Variants in FASN observed in about 807,000 individuals in gnomAD.
FASN encodes the protein fatty acid synthase.
FASN carries 50 observed loss-of-function variants against 250.0 expected under a neutral mutation model. That is an observed-to-expected ratio of 0.20 (90% CI 0.16 to 0.25). FASN has a LOEUF of 0.25. Ranked by LOEUF, FASN falls within the 10% of genes least tolerant of loss-of-function variation. FASN has a pLI of 1.00. For synonymous variants in FASN, 1,909 were observed against 1,584.0 expected (o/e 1.21, Z -4.87); for missense variants, 3,031 against 3,498.5 (o/e 0.87, Z 3.37).
intron 11 of FASN, 111 bp downstream of exon 11, chr17:82,090,264 C>T (rs368004575): frequency 4.2e-5 from 46 of 1,100,730 alleles, no homozygotes; most frequent in Non-Finnish European, 5.0e-5. Flanking sequence ...CCCGGGCCAG[C>T]GGGGGCCACT....
chr17:82,085,478 G>A lies in FASN; in HGVS notation c.4122+4C>T, dbSNP rs374704748. 1.9e-5 allele frequency: 30 copies of A among 1,588,676 alleles called. 1 individual carries two copies. The highest frequency in any genetic ancestry group is 1.7e-4 in the South Asian group (15 of 87,764). The stretch of plus-strand genomic sequence containing the variant: ...CACCCTGTCCCCCTGCCCGGCGGCC[G>A]CACCTGGCTCAGGATGCCCTGGCCA... On this transcript the variant is annotated splice_donor_region_variant and intron_variant, in intron 23 of 42. Transcript: ENST00000306749.
intron 6 of FASN, 34 bp from the exon 7 acceptor site, chr17:82,092,846 G>C: frequency 6.3e-7 from 1 of 1,584,180 alleles, no homozygotes; most frequent in Non-Finnish European, 8.6e-7. Flanking sequence ...TGCAGCCCCA[G>C]CCCCGGCTCC....
rs747732644 is a variant in FASN at position 82,091,050 on chromosome 17, G to A, written c.1512C>T (p.Arg504=). Residue 504 remains arginine, a synonymous_variant, in exon 10 of 43, where the codon CGC becomes CGT. Coordinates refer to ENST00000306749, the MANE Select transcript of FASN (RefSeq NM_004104.5). The part of the protein sequence containing the change: ...FICSGMGTQW[R]GMGLSLMRLD... ...GGCGCATGAGGCTCAGCCCCATCCCGCGCCACTGTGTGCCCATCCCTGTCC... is the reference window on the plus strand; with the variant it reads ...GGCGCATGAGGCTCAGCCCCATCCCACGCCACTGTGTGCCCATCCCTGTCC... The A allele has an allele frequency of 4.3e-6, 7 of 1,611,852 alleles. No homozygotes were observed. Among genetic ancestry groups the A allele is most frequent in the African/African-American group, 4.0e-5 (3 of 74,862 alleles).
chr17:82,097,071 C>T (rs1035673789), intron 1 of FASN, among the ~76,000 whole-genome samples: 1 of 152,190 alleles, frequency 6.6e-6, no homozygotes, highest in African/African-American at 2.4e-5. Flanking sequence ...TGGGGAGGGA[C>T]GAAATGGGGA....
rs376976258 is a variant in FASN at position 82,085,840 on chromosome 17, C to A, written c.3764G>T (p.Arg1255Leu). 6.4e-7 allele frequency: 1 copy of A among 1,553,468 alleles called. No individual in the cohort carries two copies. Among genetic ancestry groups the A allele is most frequent in the Non-Finnish European group, 8.7e-7 (1 of 1,154,532 alleles). ...VLAGHGHLYS[R>L]IPGLLSPHPL... ...ATGGGGGCTGAGCAGGCCTGGGATG[C>A]GGGAATACAGGTGACCGTGGCCAGC... The change falls in exon 23 of 43, where the codon CGC becomes CTC. Residue 1255 changes from arginine to leucine, a missense_variant. By Grantham distance (102) the Arg-to-Leu change is moderately radical (BLOSUM62 -2). Coordinates refer to ENST00000306749, the MANE Select transcript of FASN (RefSeq NM_004104.5).
In FASN at chr17:82,091,701, T is replaced by C. The variant is rs563287457; in HGVS notation, c.1030-17A>G. ...CAGCAGCACCTGCGGGGGTACGTGG[T>C]GGATGGGCAGCCGCCCCACTCCCTC... On this transcript the variant is annotated splice_polypyrimidine_tract_variant and intron_variant, in intron 8 of 42. Transcript: ENST00000306749. The C allele has an allele frequency of 6.4e-7, 1 of 1,552,602 alleles. No homozygotes were observed. Among genetic ancestry groups the C allele is most frequent in the East Asian group, 2.3e-5 (1 of 42,570 alleles).
chr17:82,090,708 C>T (rs2034189463), intron 10 of FASN, 144 bp from the exon 11 acceptor site: 6 of 1,019,666 alleles, frequency 5.9e-6, no homozygotes, highest in Middle Eastern at 2.9e-4. Flanking sequence ...CCCTATGGCC[C>T]CCACACAGCC....
chr17:82,098,144 G>A lies in FASN; in HGVS notation c.-31C>T. Reference sequence around the variant, plus strand: ...ACCTGGTGAGGGCGCGGGCGGCGGTGCGGGCGGCGGAGAGCGAGGCTGGAG... The same window carrying A: ...ACCTGGTGAGGGCGCGGGCGGCGGTACGGGCGGCGGAGAGCGAGGCTGGAG... On this transcript the variant is annotated 5_prime_UTR_variant, in exon 1 of 43. Coordinates refer to ENST00000306749, the MANE Select transcript of FASN (RefSeq NM_004104.5). 2 of 352,454 alleles carry A rather than the reference G, an allele frequency of 5.7e-6. No individual in the cohort carries two copies. The highest frequency in any genetic ancestry group is 1.0e-5 in the Non-Finnish European group (2 of 195,996). 21.8% of individuals were successfully genotyped at this position (352,454 alleles called of 1,614,324 possible). A position where few individuals can be genotyped will look rare whatever the true frequency, so the allele number is the denominator to read the frequency against.
Position 82,082,901 on chromosome 17 carries a change from C to T in FASN, c.5767+13G>A. 1 of 1,612,418 alleles carries T rather than the reference C, an allele frequency of 6.2e-7. No homozygotes were observed. Among genetic ancestry groups the T allele is most frequent in the Non-Finnish European group, 8.5e-7 (1 of 1,179,840 alleles). On this transcript the variant is annotated intron_variant, in intron 33 of 42. Coordinates refer to ENST00000306749, the MANE Select transcript of FASN (RefSeq NM_004104.5). Reference sequence around the variant, plus strand: ...TGGCCCAGGCTGGTCCACAAGCACCCCTGCCGACTCACCTGTCCGGATCCC... The same window carrying T: ...TGGCCCAGGCTGGTCCACAAGCACCTCTGCCGACTCACCTGTCCGGATCCC...
In FASN at chr17:82,085,042, G is replaced by A. The variant is rs575986448; in HGVS notation, c.4402C>T (p.Arg1468Cys). 3 of 1,610,658 alleles carry A rather than the reference G, an allele frequency of 1.9e-6. No homozygotes were observed. The highest frequency in any genetic ancestry group is 2.2e-5 in the East Asian group (1 of 44,772). Residue 1468 changes from arginine (R) to cysteine (C), a missense_variant, in exon 25 of 43, where the codon CGC (arginine) becomes TGC (cysteine). Coordinates refer to ENST00000306749, the MANE Select transcript of FASN (RefSeq NM_004104.5). ...GAGGGGCCGTGCTCCTACCGGAGGC[G>A]GTTCCCGCCGGGCTCTCGGCGGAGA... is the stretch of plus-strand genomic sequence containing the variant. ...NCLRREPGGN[R>C]LRCVLLSNLS...
intron 1 of FASN, 38 bp downstream of exon 1, chr17:82,098,083 A>C (rs1481139155): frequency 3.0e-6 from 1 of 328,862 alleles, no homozygotes; most frequent in African/African-American, 2.2e-5. Context: ...AGCCCCGACC[A>C]CGACCCGCGC....
At chr17:82,090,300 C>T (rs2144800778) in intron 11 of FASN, 75 bp downstream of exon 11, 2 of 1,443,174 alleles carry the variant, frequency 1.4e-6, no homozygotes, top group Non-Finnish European at 1.9e-6. Context: ...CAGGCCAGGG[C>T]TGCAGGTGAG....
At position 82,093,524 on chromosome 17, in the gene FASN, C is replaced by T. The variant is rs771958031; in HGVS notation, c.454+74G>A. 1.8e-4 allele frequency: 282 copies of T among 1,603,758 alleles called. 1 individual carries two copies. Among genetic ancestry groups the T allele is most frequent in the African/African-American group, 4.4e-4 (33 of 74,790 alleles). On this transcript the variant is annotated intron_variant, in intron 4 of 42. Transcript: ENST00000306749. ...ACACACACTGCACGGAGTGAGCCCA[C>T]GCCACGTGGTTTCTGCTCAGCATGT...
At position 82,093,290 on chromosome 17, in the gene FASN, T is replaced by C. The variant is rs1232394381; in HGVS notation, c.584A>G (p.Asn195Ser). Residue 195 changes from asparagine (N) to serine (S), a missense_variant, in exon 5 of 43, where the codon AAC (asparagine) becomes AGC (serine). Physicochemically the swap from Asn to Ser is conservative, Grantham distance 46. Coordinates refer to ENST00000306749, the MANE Select transcript of FASN (RefSeq NM_004104.5). ...VGGINVLLKP[N>S]TSVQFLRLGM... ...CAGCCTCAAGAACTGCACGGAGGTG[T>C]TGGGCTTCAGCAGGACATTGATGCC... is the stretch of plus-strand genomic sequence containing the variant. The C allele has an allele frequency of 1.3e-6, 2 of 1,597,600 alleles. No homozygotes were observed.
At position 82,083,281 on chromosome 17, in the gene FASN, G is replaced by A. The variant is rs771301369; in HGVS notation, c.5486C>T (p.Thr1829Met). The change falls in exon 32 of 43, where the codon ACG becomes ATG. Residue 1829 changes from threonine (T) to methionine (M), a missense_variant. Thr to Met is a moderately conservative substitution (Grantham distance 81, BLOSUM62 -1). Transcript: ENST00000306749. Reference sequence around the variant, plus strand: ...CTCCACCTGGGCCCCATGGAACACCGTGCACTTGAGGGGCCGTACCACCCC... The same window carrying A: ...CTCCACCTGGGCCCCATGGAACACCATGCACTTGAGGGGCCGTACCACCCC... ...RDGVVRPLKC[T>M]VFHGAQVEDA... is the part of the protein sequence containing the mutation. 32 of 1,612,586 alleles carry A rather than the reference G, an allele frequency of 2.0e-5. No homozygotes were observed. The highest frequency in any genetic ancestry group is 6.7e-5 in the African/African-American group (5 of 74,916).
intron 41 of FASN, 98 bp from the exon 42 acceptor site, chr17:82,079,706 T>C (rs2144778086): frequency 6.8e-7 from 1 of 1,461,264 alleles, no homozygotes; most frequent in South Asian, 1.3e-5. Flanking sequence ...GAGACGAGTT[T>C]CATTTTTGTT....
chr17:82,081,115 G>T, intron 38 of FASN, 49 bp downstream of exon 38: 1 of 1,535,984 alleles, frequency 6.5e-7, no homozygotes, highest in South Asian at 1.2e-5. Context: ...AAGGAGGAAG[G>T]GCTGGGGAGG....
At position 82,090,978 on chromosome 17, in the gene FASN, C is replaced by T. The variant is rs2034194367; in HGVS notation, c.1584G>A (p.Lys528=). ...DSILRSDEAV[K]PFGLKVSQLL... The stretch of plus-strand genomic sequence containing the variant: ...GCTGTGACACCTTCAGGCCGAATGG[C>T]TTCACAGCCTCATCGGAGCGTAGGA... Residue 528 remains lysine (K), a synonymous_variant, in exon 10 of 43, where the codon AAG becomes AAA. Transcript: ENST00000306749. The T allele has an allele frequency of 1.2e-6, 2 of 1,612,908 alleles. No homozygotes were observed. Among genetic ancestry groups the T allele is most frequent in the South Asian group, 1.1e-5 (1 of 91,092 alleles).
Position 82,095,323 on chromosome 17 carries a change from C to T in FASN, c.277G>A (p.Gly93Arg), listed in dbSNP as rs372842189. The change falls in exon 3 of 43, where the codon GGA becomes AGA. Residue 93 changes from glycine (G) to arginine (R), a missense_variant. Gly to Arg is a moderately radical substitution (Grantham distance 125). Transcript: ENST00000306749. ...LEVTYEAIVD[G>R]GINPDSLRGT... ...CAGTCGCGAATGCCCGACCCACCTCCGTCCACGATGGCTTCATAGGTGACT... is the reference window on the plus strand; with the variant it reads ...CAGTCGCGAATGCCCGACCCACCTCTGTCCACGATGGCTTCATAGGTGACT... The T allele has an allele frequency of 6.2e-7, 1 of 1,612,894 alleles. No individual in the cohort carries two copies. The highest frequency in any genetic ancestry group is 8.5e-7 in the Non-Finnish European group (1 of 1,179,992).
Sources: gnomAD v4.1 joint callset for allele counts (sites outside exome capture counted in the v4.1 genomes callset) on GRCh38, gnomAD v4.1.1 for gene constraint, MANE v1.5 for transcripts, NCBI Gene and HGNC (gene_info 2026-07-23, HGNC 2026-07-21) for gene names.